The following TEX101 variants were observed in gnomAD, a reference collection of about 807,000 sequenced individuals.
TEX101 encodes testis expressed 101.
TEX101 carries 10 observed loss-of-function variants against 18.1 expected under a neutral mutation model. The ratio of observed to expected loss-of-function variants is 0.55; its 90% CI spans 0.34 to 0.94. TEX101 has a LOEUF of 0.94. TEX101 is among the 40% of genes least tolerant of loss of function. The pLI, the probability that TEX101 is intolerant of heterozygous loss-of-function variation, is 0.02. For synonymous variants in TEX101, 94 were observed against 114.8 expected, an observed-to-expected ratio of 0.82 and a Z score of 1.16; for missense variants, 259 against 298.9, an observed-to-expected ratio of 0.87 and a Z score of 0.98.
At chr19:43,395,910 C>T in the TEX101 span, among the ~76,000 whole-genome samples, 1 of 152,260 alleles carries the variant, frequency 6.6e-6, no homozygotes, top group African/African-American at 2.4e-5. Flanking sequence ...CCTCCTTCAG[C>T]TTCTCCACCT....
chr19:43,407,886 G>A, intron 3 of TEX101, among the ~76,000 whole-genome samples: 1 of 152,206 alleles, frequency 6.6e-6, no homozygotes, highest in East Asian at 1.9e-4. Context: ...TTCACGCAAG[G>A]CCCATTCGTG....
upstream of TEX101, among the ~76,000 whole-genome samples, chr19:43,413,185 G>A (rs183435306): frequency 2.6e-5 from 4 of 152,262 alleles, no homozygotes; most frequent in East Asian, 7.7e-4. Context: ...CCTTTCATGT[G>A]GACCCCTCGA....
the TEX101 span, among the ~76,000 whole-genome samples, chr19:43,393,039 C>T: frequency 4.0e-5 from 5 of 124,870 alleles, no homozygotes; most frequent in Admixed American, 8.4e-5. Flanking sequence ...GCCTGGGTGA[C>T]AGAGTGAGAC....
upstream of TEX101, among the ~76,000 whole-genome samples, chr19:43,399,327 T>G (rs998517214): frequency 5.9e-5 from 9 of 152,174 alleles, no homozygotes; most frequent in Non-Finnish European, 1.3e-4. Context: ...GATTGATCCA[T>G]GGGTTCAGGT....
the TEX101 span, among the ~76,000 whole-genome samples, chr19:43,390,078 G>T: frequency 6.6e-6 from 1 of 152,188 alleles, no homozygotes; most frequent in South Asian, 2.1e-4. Context: ...GGCCTCGAAG[G>T]TTGGGTGATG....
chr19:43,404,488 T>G (rs989368513), intron 2 of TEX101, among the ~76,000 whole-genome samples: 4 of 152,164 alleles, frequency 2.6e-5, no homozygotes, highest in African/African-American at 7.2e-5. Flanking sequence ...TACTACAATT[T>G]GTTTGTTATC....
upstream of TEX101, among the ~76,000 whole-genome samples, chr19:43,397,833 A>T (rs549222689): frequency 5.0e-3 from 573 of 115,180 alleles, 9 homozygotes; most frequent in African/African-American, 0.018. Flanking sequence ...AAAAATATAT[A>T]TTTTATATAA....
chr19:43,406,609 G>A (rs964071472), intron 3 of TEX101: 11 of 603,424 alleles, frequency 1.8e-5, no homozygotes, highest in Admixed American at 9.1e-5. Context: ...AGTTTCGAGA[G>A]AGACTCTGGC....
upstream of TEX101, among the ~76,000 whole-genome samples, chr19:43,411,007 G>C (rs138990723): frequency 3.6e-3 from 542 of 152,234 alleles, 4 homozygotes; most frequent in African/African-American, 0.013. Flanking sequence ...CTCCCAAAGT[G>C]TTGGGATTAC....
intron 1 of TEX101, among the ~76,000 whole-genome samples, chr19:43,401,930 C>T (rs1229902313): frequency 1.3e-5 from 2 of 152,076 alleles, no homozygotes; most frequent in African/African-American, 2.4e-5. Flanking sequence ...CTGTGCAACA[C>T]AGTGCAGTAT....
chr19:43,391,406 C>CTTTTTTTTTT, the TEX101 span, among the ~76,000 whole-genome samples: 3 of 95,898 alleles, frequency 3.1e-5, no homozygotes, highest in Non-Finnish European at 4.0e-5. Flanking sequence ...TTCTGTTTTT[C>CTTTTTTTTTT]TTTTTTTTTT....
intron 3 of TEX101, among the ~76,000 whole-genome samples, chr19:43,408,465 C>T (rs531154153): frequency 3.6e-4 from 55 of 152,184 alleles, no homozygotes; most frequent in African/African-American, 1.1e-3. Flanking sequence ...AGGGTCCGGC[C>T]GGTCACCGCC....
the TEX101 span, among the ~76,000 whole-genome samples, chr19:43,390,460 C>CTTTTTTTTTCTTTT: frequency 2.0e-5 from 1 of 49,854 alleles, no homozygotes; most frequent in Non-Finnish European, 3.4e-5. Context: ...CTTTTTTTTT[C>CTTTTTTTTTCTTTT]TTTTTTTTTT....
chr19:43,413,065 T>G (rs149910795), upstream of TEX101, among the ~76,000 whole-genome samples: 806 of 152,334 alleles, frequency 5.3e-3, 8 homozygotes, highest in African/African-American at 0.018. Context: ...ACTTGTGTTA[T>G]CTGTAAGTTC....
At chr19:43,402,613 C>G (rs1210724768) in intron 1 of TEX101, among the ~76,000 whole-genome samples, 4 of 151,130 alleles carry the variant, frequency 2.6e-5, no homozygotes, top group African/African-American at 9.7e-5. Flanking sequence ...TGGAGTCTCA[C>G]TCTGTCGCCC....
At chr19:43,417,133 G>A (rs2355990) in intron 4 of TEX101, among the ~76,000 whole-genome samples, 43,475 of 151,492 alleles carry the variant, frequency 0.29, 6,631 homozygotes, top group East Asian at 0.58. Context: ...GCACGAGAAC[G>A]GCCCAGTTCC....
At chr19:43,389,943 C>G in the TEX101 span, among the ~76,000 whole-genome samples, 1 of 152,172 alleles carries the variant, frequency 6.6e-6, no homozygotes, top group African/African-American at 2.4e-5. Context: ...GGGCCAGCAG[C>G]ATCCGAGCCA....
At chr19:43,394,344 TC>T in the TEX101 span, among the ~76,000 whole-genome samples, 11,980 of 152,222 alleles carry the variant, frequency 0.079, 547 homozygotes, top group Middle Eastern at 0.14. Flanking sequence ...CCTACAATGT[TC>T]TTGCAAAGAT....
chr19:43,416,012 G>A (rs542101425), intron 2 of TEX101, 29 bp downstream of exon 2: 30 of 1,612,670 alleles, frequency 1.9e-5, no homozygotes, highest in East Asian at 2.2e-5. Flanking sequence ...GGGGAGAGCC[G>A]TGTGTCACAG....
Sources: gnomAD v4.1 joint callset for allele counts (sites outside exome capture counted in the v4.1 genomes callset) on GRCh38, gnomAD v4.1.1 for gene constraint, MANE v1.5 for transcripts, NCBI Gene and HGNC (gene_info 2026-07-23, HGNC 2026-07-21) for gene names.